The following LIFR variants were observed in gnomAD, a reference collection of about 807,000 sequenced individuals.
LIFR encodes the protein leukemia inhibitory factor receptor.
LIFR carries 84 observed loss-of-function variants against 122.2 expected under a neutral mutation model. The ratio of observed to expected loss-of-function variants is 0.69; its 90% CI spans 0.58 to 0.82. LIFR has a LOEUF of 0.82. LIFR is among the 40% of genes least tolerant of loss of function. The probability of loss-of-function intolerance (pLI) is 0.00; values close to 1 mark genes in which losing one functional copy is unlikely to be tolerated. For synonymous variants in LIFR, 422 were observed against 434.7 expected (o/e 0.97, Z 0.36); for missense variants, 1,294 against 1,311.6 (o/e 0.99, Z 0.21).
In LIFR at chr5:38,554,947, C is replaced by A. The variant is rs544870222; in HGVS notation, c.-20+1387G>T. On this transcript the variant is annotated intron_variant, in intron 1 of 19. Transcript: ENST00000453190. ...AACAGCAGAGTCCCTGATTCTCATT[C>A]CCCAGAAGAGAATACAAGTCTCCAC... 2.0e-5 allele frequency: 3 copies of A among 152,290 alleles called. No homozygotes were observed. The East Asian group carries it at 5.8e-4, about 29-fold the overall frequency. 9.4% of individuals were successfully genotyped at this position (152,290 alleles called of 1,614,324 possible). A position where few individuals can be genotyped will look rare whatever the true frequency, so the allele number is the denominator to read the frequency against.
intron 13 of LIFR, among the ~76,000 whole-genome samples, chr5:38,495,819 T>C (rs978741608): frequency 3.3e-5 from 5 of 152,176 alleles, no homozygotes; most frequent in African/African-American, 1.2e-4. Context: ...CTGTAAAATT[T>C]AAAGAAAGGC....
intron 13 of LIFR, among the ~76,000 whole-genome samples, chr5:38,494,703 T>C (rs767366616): frequency 4.6e-5 from 7 of 152,124 alleles, no homozygotes; most frequent in African/African-American, 1.7e-4. Flanking sequence ...AAAACAAACA[T>C]AGAAAGGTTT....
At chr5:38,557,099 G>A (rs941851247), upstream of LIFR, 2 of 152,374 alleles carry the variant, frequency 1.3e-5, no homozygotes, top group African/African-American at 4.8e-5. Flanking sequence ...CCAGCTTCTG[G>A]GAGAGGGGGA....
chr5:38,497,848 T>G (rs547793765), intron 12 of LIFR, among the ~76,000 whole-genome samples: 1 of 152,220 alleles, frequency 6.6e-6, no homozygotes, highest in Non-Finnish European at 1.5e-5. Flanking sequence ...TTTTTACCAG[T>G]GTACTTGAAT....
chr5:38,597,647 G>A (rs940755722), upstream of LIFR, among the ~76,000 whole-genome samples: 5 of 152,186 alleles, frequency 3.3e-5, no homozygotes, highest in African/African-American at 1.2e-4. Context: ...ACAATGCACA[G>A]GACAGCCTTG....
At chr5:38,553,640 A>ACT (rs1748337612) in intron 1 of LIFR, among the ~76,000 whole-genome samples, 1 of 81,304 alleles carries the variant, frequency 1.2e-5, no homozygotes, top group Non-Finnish European at 2.2e-5. Flanking sequence ...ATATATATAT[A>ACT]TATATATATA....
chr5:38,607,457 C>T (rs1292081531), intron 1 of LIFR: 4 of 152,208 alleles, frequency 2.6e-5, no homozygotes, highest in African/African-American at 9.7e-5. Context: ...CTCTCAAACT[C>T]CCATCTTCAC....
At chr5:38,596,176 T>C (rs988260375), upstream of LIFR, among the ~76,000 whole-genome samples, 20 of 152,164 alleles carry the variant, frequency 1.3e-4, no homozygotes, top group African/African-American at 4.8e-4. Context: ...ACCACTCCTT[T>C]ATATATAGGC....
At chr5:38,546,639 C>A (rs1408804802) in intron 1 of LIFR, among the ~76,000 whole-genome samples, 1 of 152,156 alleles carries the variant, frequency 6.6e-6, no homozygotes, top group East Asian at 1.9e-4. Context: ...TTCCAGTTGC[C>A]ATTTACCATC....
upstream of LIFR, chr5:38,558,153 G>T (rs1419607147): frequency 1.3e-5 from 2 of 151,846 alleles, no homozygotes; most frequent in Non-Finnish European, 2.9e-5. Flanking sequence ...TAATATATTT[G>T]TTTTTGTGCT....
At chr5:38,545,387 T>C (rs6894415) in intron 1 of LIFR, among the ~76,000 whole-genome samples, 1 of 152,044 alleles carries the variant, frequency 6.6e-6, no homozygotes, top group Non-Finnish European at 1.5e-5. Context: ...TGTATACACA[T>C]ATATATATGC....
intron 16 of LIFR, among the ~76,000 whole-genome samples, chr5:38,488,486 T>C (rs530688699): frequency 1.3e-5 from 2 of 152,290 alleles, no homozygotes; most frequent in East Asian, 3.9e-4. Flanking sequence ...AGAAACATAA[T>C]GAAAGGAAAA....
chr5:38,536,414 T>C (rs931552747), intron 1 of LIFR, among the ~76,000 whole-genome samples: 28 of 151,820 alleles, frequency 1.8e-4, no homozygotes, highest in African/African-American at 6.8e-4. Flanking sequence ...TTAGGGATGA[T>C]TTAAAGTAAT....
chr5:38,532,484 G>C (rs985384456), intron 1 of LIFR, among the ~76,000 whole-genome samples: 1 of 152,124 alleles, frequency 6.6e-6, no homozygotes, highest in Non-Finnish European at 1.5e-5. Context: ...AGACAGTAGC[G>C]AGCTCGCACA....
intron 16 of LIFR, among the ~76,000 whole-genome samples, chr5:38,487,493 CATA>C (rs1323382844): frequency 2.0e-5 from 3 of 152,162 alleles, no homozygotes; most frequent in Non-Finnish European, 2.9e-5. Flanking sequence ...TTGGAAAATT[CATA>C]ATGACATACC....
At chr5:38,514,377 T>C (rs1745965203) in intron 5 of LIFR, among the ~76,000 whole-genome samples, 1 of 152,162 alleles carries the variant, frequency 6.6e-6, no homozygotes, top group African/African-American at 2.4e-5. Flanking sequence ...CTTCAAAATC[T>C]TGACAAAATT....
intron 1 of LIFR, among the ~76,000 whole-genome samples, chr5:38,533,207 C>T (rs1315628259): frequency 6.6e-6 from 1 of 152,202 alleles, no homozygotes; most frequent in African/African-American, 2.4e-5. Context: ...CAGTATCCTT[C>T]CTGCCCAAGG....
chr5:38,520,589 T>C (rs1746347581), intron 5 of LIFR, among the ~76,000 whole-genome samples: 1 of 152,210 alleles, frequency 6.6e-6, no homozygotes, highest in Non-Finnish European at 1.5e-5. Flanking sequence ...AAGTCTTTCA[T>C]CTATCTTGAG....
At chr5:38,594,322 A>C (rs897668728) in intron 1 of LIFR, among the ~76,000 whole-genome samples, 10 of 152,210 alleles carry the variant, frequency 6.6e-5, no homozygotes, top group African/African-American at 2.4e-4. Context: ...GCAGAGTTTT[A>C]GCAATAGCAA....
Sources: gnomAD v4.1 joint callset for allele counts (sites outside exome capture counted in the v4.1 genomes callset) on GRCh38, gnomAD v4.1.1 for gene constraint, MANE v1.5 for transcripts, NCBI Gene and HGNC (gene_info 2026-07-23, HGNC 2026-07-21) for gene names.